The following SLC4A10 variants were observed in gnomAD, a reference collection of about 807,000 sequenced individuals.
The protein encoded by SLC4A10 is sodium-driven chloride bicarbonate exchanger.
A neutral mutation model predicts 137.7 loss-of-function variants in SLC4A10; 42 were observed. The ratio of observed to expected loss-of-function variants is 0.30; its 90% CI spans 0.24 to 0.39. The LOEUF is 0.39. SLC4A10 is among the 10% of genes least tolerant of loss of function. The pLI is 1.00. For synonymous variants in SLC4A10, 474 were observed against 464.1 expected, an observed-to-expected ratio of 1.02 and a Z score of -0.27; for missense variants, 925 against 1,355.0, an observed-to-expected ratio of 0.68 and a Z score of 4.98.
chr2:161,788,116 T>C (rs2053824627), intron 2 of SLC4A10, among the ~76,000 whole-genome samples: 1 of 152,002 alleles, frequency 6.6e-6, no homozygotes, highest in Non-Finnish European at 1.5e-5. Context: ...CTGTGGTGTA[T>C]GTTGTATGTG....
At chr2:161,804,384 A>G in intron 2 of SLC4A10, 65 bp from the exon 3 acceptor site, 1 of 1,525,030 alleles carries the variant, frequency 6.6e-7, no homozygotes, top group South Asian at 1.3e-5. Flanking sequence ...ATTAACATGT[A>G]AATCATCATA....
intron 1 of SLC4A10, among the ~76,000 whole-genome samples, chr2:161,700,460 C>T (rs958000380): frequency 2.6e-5 from 4 of 152,060 alleles, no homozygotes; most frequent in South Asian, 2.1e-4. Flanking sequence ...GATCATCCTT[C>T]GTTATGTACT....
At chr2:161,732,794 A>G (rs2046949625) in intron 1 of SLC4A10, among the ~76,000 whole-genome samples, 1 of 152,182 alleles carries the variant, frequency 6.6e-6, no homozygotes, top group Admixed American at 6.5e-5. Context: ...AGCAATATAG[A>G]CAATAAGGTC....
At chr2:161,631,478 C>T (rs1316272581) in intron 1 of SLC4A10, among the ~76,000 whole-genome samples, 1 of 151,296 alleles carries the variant, frequency 6.6e-6, no homozygotes, top group Non-Finnish European at 1.5e-5. Flanking sequence ...AATTCTTTAC[C>T]ACAAATTTGA....
chr2:161,655,804 A>C (rs1161806273), intron 1 of SLC4A10, among the ~76,000 whole-genome samples: 1 of 151,890 alleles, frequency 6.6e-6, no homozygotes, highest in Non-Finnish European at 1.5e-5. Flanking sequence ...GTCAACACAC[A>C]TTAAAAATTC....
At chr2:161,771,280 C>G (rs1319431155) in intron 2 of SLC4A10, among the ~76,000 whole-genome samples, 1 of 151,798 alleles carries the variant, frequency 6.6e-6, no homozygotes, top group African/African-American at 2.4e-5. Context: ...TATTGAATCC[C>G]TACTGTATTC....
intron 1 of SLC4A10, among the ~76,000 whole-genome samples, chr2:161,637,964 G>A (rs988757238): frequency 1.5e-4 from 23 of 151,946 alleles, no homozygotes; most frequent in African/African-American, 5.3e-4. Flanking sequence ...TTTAATTTTT[G>A]CTATTTGAGT....
chr2:161,901,924 T>C, intron 12 of SLC4A10: 2 of 409,262 alleles, frequency 4.9e-6, no homozygotes, highest in Non-Finnish European at 9.6e-6. Context: ...GCTGTCTTTT[T>C]ATTTTTGGTG....
chr2:161,844,445 T>A (rs182399142), intron 4 of SLC4A10, among the ~76,000 whole-genome samples: 1 of 152,178 alleles, frequency 6.6e-6, no homozygotes, highest in African/African-American at 2.4e-5. Flanking sequence ...TTTGATTACA[T>A]GTTATTCTCT....
chr2:161,863,695 C>G (rs2060567012), intron 6 of SLC4A10, among the ~76,000 whole-genome samples: 1 of 152,154 alleles, frequency 6.6e-6, no homozygotes, highest in African/African-American at 2.4e-5. Flanking sequence ...TGTTTCCTAG[C>G]AATCAACTTA....
intron 1 of SLC4A10, among the ~76,000 whole-genome samples, chr2:161,638,669 T>C (rs2034818082): frequency 6.6e-6 from 1 of 152,100 alleles, no homozygotes; most frequent in Non-Finnish European, 1.5e-5. Flanking sequence ...CTGTCATTGG[T>C]ATTTTGATAG....
chr2:161,733,994 C>T (rs2047071877), intron 1 of SLC4A10, among the ~76,000 whole-genome samples: 1 of 152,204 alleles, frequency 6.6e-6, no homozygotes, highest in Non-Finnish European at 1.5e-5. Flanking sequence ...TGTATTTACC[C>T]AATACCTGTA....
At chr2:161,774,666 G>T (rs2052094804) in intron 2 of SLC4A10, among the ~76,000 whole-genome samples, 1 of 151,844 alleles carries the variant, frequency 6.6e-6, no homozygotes, top group South Asian at 2.1e-4. Context: ...CAAAAGCCTA[G>T]CCCCCTTGCC....
intron 15 of SLC4A10, 108 bp downstream of exon 15, chr2:161,905,995 A>C (rs1684258014): frequency 7.3e-7 from 1 of 1,369,634 alleles, no homozygotes; most frequent in Non-Finnish European, 9.7e-7. Flanking sequence ...CCTTAAGTTG[A>C]TTCATGACCT....
chr2:161,833,388 A>T (rs566184399), intron 3 of SLC4A10, among the ~76,000 whole-genome samples: 1 of 152,368 alleles, frequency 6.6e-6, no homozygotes, highest in African/African-American at 2.4e-5. Context: ...GGGAAACTAT[A>T]GATGAGGCAT....
intron 23 of SLC4A10, among the ~76,000 whole-genome samples, chr2:161,973,096 C>T (rs1329290950): frequency 6.6e-6 from 1 of 152,104 alleles, no homozygotes; most frequent in Non-Finnish European, 1.5e-5. Context: ...CCAGCTTAGC[C>T]CTGCTAAGCT....
chr2:161,974,632 C>T (rs1351330431), intron 24 of SLC4A10, among the ~76,000 whole-genome samples: 3 of 152,070 alleles, frequency 2.0e-5, no homozygotes, highest in Admixed American at 2.0e-4. Context: ...ATCAAGGTTC[C>T]TTTTTTGTAT....
intron 1 of SLC4A10, among the ~76,000 whole-genome samples, chr2:161,629,863 T>G (rs2033190146): frequency 6.6e-6 from 1 of 151,868 alleles, no homozygotes; most frequent in South Asian, 2.1e-4. Flanking sequence ...TTTTCATGAC[T>G]TGATATCTCA....
intron 1 of SLC4A10, among the ~76,000 whole-genome samples, chr2:161,626,626 CT>C (rs1456090498): frequency 2.0e-5 from 3 of 151,960 alleles, no homozygotes; most frequent in South Asian, 2.1e-4. Flanking sequence ...TTATGAAAAC[CT>C]TTTTTGTTTA....
Sources: allele counts gnomAD v4.1 joint callset (sites outside exome capture counted in the v4.1 genomes callset), GRCh38; gene constraint gnomAD v4.1.1; transcripts MANE v1.5; gene names NCBI Gene and HGNC (gene_info 2026-07-23, HGNC 2026-07-21).